CNTNAP2: variants seen among roughly 807,000 people sequenced by gnomAD.
The protein encoded by CNTNAP2 is contactin-associated protein-like 2.
CNTNAP2 carries 98 observed loss-of-function variants against 155.2 expected under a neutral mutation model. The observed-to-expected ratio is 0.63, with a 90% CI of 0.54 to 0.75. The LOEUF (loss-of-function observed/expected upper bound fraction) is 0.75, where lower values mean the gene tolerates loss of function less well. CNTNAP2 is among the 30% of genes least tolerant of loss of function. CNTNAP2 has a pLI of 0.00. For missense variants in CNTNAP2, 1,727 were observed against 1,688.1 expected, an observed-to-expected ratio of 1.02 and a Z score of -0.40; for synonymous variants, 651 against 631.2, an observed-to-expected ratio of 1.03 and a Z score of -0.47.
intron 15 of CNTNAP2, among the ~76,000 whole-genome samples, chr7:148,021,860 G>C (rs1802284800): frequency 6.6e-6 from 1 of 152,190 alleles, no homozygotes; most frequent in African/African-American, 2.4e-5. Flanking sequence ...GGCCGGGTGA[G>C]CGTGGGGAAG....
chr7:147,323,900 T>A (rs566048347), intron 9 of CNTNAP2, among the ~76,000 whole-genome samples: 1 of 148,280 alleles, frequency 6.7e-6, no homozygotes, highest in Non-Finnish European at 1.5e-5. Context: ...GCCTTTAATT[T>A]GAGAGAAAAA....
intron 1 of CNTNAP2, among the ~76,000 whole-genome samples, chr7:146,705,820 A>C (rs344448): frequency 0.24 from 36,916 of 152,068 alleles, 10,636 homozygotes; most frequent in African/African-American, 0.7. Context: ...CTGGCCTCGC[A>C]CTTGACACAT....
intron 1 of CNTNAP2, among the ~76,000 whole-genome samples, chr7:146,140,961 A>G (rs995790670): frequency 1.3e-5 from 2 of 152,208 alleles, no homozygotes; most frequent in African/African-American, 2.4e-5. Flanking sequence ...CCCACCACCC[A>G]GTGACTGTAG....
chr7:148,174,435 C>A (rs184128780), intron 18 of CNTNAP2, among the ~76,000 whole-genome samples: 10 of 151,724 alleles, frequency 6.6e-5, no homozygotes, highest in South Asian at 4.2e-4. Flanking sequence ...CCACCTCAGG[C>A]TGGTGCTTCA....
intron 1 of CNTNAP2, among the ~76,000 whole-genome samples, chr7:146,618,622 T>C (rs951687667): frequency 1.3e-5 from 2 of 152,200 alleles, no homozygotes; most frequent in Non-Finnish European, 2.9e-5. Context: ...AAGCATTGCA[T>C]ATTTGTTTTA....
At chr7:146,935,706 A>C (rs1026718210) in intron 3 of CNTNAP2, among the ~76,000 whole-genome samples, 1 of 152,252 alleles carries the variant, frequency 6.6e-6, no homozygotes, top group African/African-American at 2.4e-5. Flanking sequence ...CTGGCTAAAC[A>C]GAAGTATCTG....
At chr7:147,407,250 C>T (rs1041967237) in intron 10 of CNTNAP2, among the ~76,000 whole-genome samples, 9 of 151,930 alleles carry the variant, frequency 5.9e-5, no homozygotes, top group African/African-American at 2.2e-4. Context: ...GGGCAGATCA[C>T]GAGGTCAGGA....
rs1361786709 is a variant in CNTNAP2, at chr7:147,032,857, G to C, written c.403-11050G>C. 2.0e-5 allele frequency among the ~76,000 whole-genome samples: 3 copies of C among 151,918 alleles called. No individual in the cohort carries two copies. In the East Asian group the frequency reaches 5.8e-4, roughly 29 times the overall value. On this transcript the variant is annotated intron_variant, in intron 3 of 23. Transcript: ENST00000361727. ...TGGGAGGCAATAAAGCCATTAAAAAGACAGTCCACTTGTTGAGTAGGCTGA... is the reference window on the plus strand; with the variant it reads ...TGGGAGGCAATAAAGCCATTAAAAACACAGTCCACTTGTTGAGTAGGCTGA...
At chr7:146,288,746 G>T in intron 1 of CNTNAP2, among the ~76,000 whole-genome samples, 1 of 141,760 alleles carries the variant, frequency 7.1e-6, no homozygotes, top group South Asian at 2.3e-4. Context: ...AATTACTTTT[G>T]TAATCTGCCT....
intron 13 of CNTNAP2, among the ~76,000 whole-genome samples, chr7:147,895,279 G>GT (rs1318818687): frequency 1.3e-5 from 2 of 151,760 alleles, no homozygotes; most frequent in Non-Finnish European, 2.9e-5. Context: ...CAGCTTATTG[G>GT]TTTTTTTAAG....
chr7:147,128,951 G>C, intron 7 of CNTNAP2, 115 bp downstream of exon 7: 1 of 1,347,300 alleles, frequency 7.4e-7, no homozygotes, highest in Non-Finnish European at 1.1e-6. Flanking sequence ...TTGTGTTTGG[G>C]CAAAATGATG....
intron 3 of CNTNAP2, among the ~76,000 whole-genome samples, chr7:146,934,291 G>A (rs111983938): frequency 1.3e-5 from 2 of 152,068 alleles, no homozygotes; most frequent in South Asian, 4.2e-4. Context: ...GTCCTTTGTA[G>A]GGACATGGAT....
chr7:147,430,723 A>G (rs1032533798), intron 10 of CNTNAP2, among the ~76,000 whole-genome samples: 2 of 152,124 alleles, frequency 1.3e-5, no homozygotes, highest in African/African-American at 4.8e-5. Context: ...AGGGAGCATT[A>G]TAGGGTGCAG....
intron 1 of CNTNAP2, among the ~76,000 whole-genome samples, chr7:146,220,342 A>G (rs890025486): frequency 6.6e-6 from 1 of 152,170 alleles, no homozygotes; most frequent in Non-Finnish European, 1.5e-5. Context: ...TCTAATATCA[A>G]TGTATGCAAA....
At chr7:148,163,480 T>C (rs75425318) in intron 17 of CNTNAP2, among the ~76,000 whole-genome samples, 5,826 of 152,292 alleles carry the variant, frequency 0.038, 163 homozygotes, top group Middle Eastern at 0.099. Flanking sequence ...TTTGGACACA[T>C]AGGAGTGCTT....
At chr7:146,703,246 G>C (rs1444342086) in intron 1 of CNTNAP2, among the ~76,000 whole-genome samples, 2 of 152,118 alleles carry the variant, frequency 1.3e-5, no homozygotes, top group Non-Finnish European at 2.9e-5. Flanking sequence ...TGTGGTCTCA[G>C]CATGGTGAAA....
intron 3 of CNTNAP2, among the ~76,000 whole-genome samples, chr7:146,990,505 T>C (rs1798191003): frequency 1.3e-5 from 2 of 152,136 alleles, no homozygotes; most frequent in African/African-American, 4.8e-5. Flanking sequence ...TTAGTTGTTT[T>C]GGTTTTAAGA....
intron 1 of CNTNAP2, among the ~76,000 whole-genome samples, chr7:146,271,430 A>G (rs1800081056): frequency 6.6e-6 from 1 of 151,968 alleles, no homozygotes; most frequent in Admixed American, 6.6e-5. Flanking sequence ...TAATATTTTA[A>G]TTCTTATCTA....
At chr7:148,020,487 A>G (rs928910606) in intron 15 of CNTNAP2, among the ~76,000 whole-genome samples, 2 of 152,244 alleles carry the variant, frequency 1.3e-5, no homozygotes, top group African/African-American at 2.4e-5. Flanking sequence ...CTGAACTTTT[A>G]CTATCATATT....
Sources: allele counts gnomAD v4.1 joint callset (sites outside exome capture counted in the v4.1 genomes callset), GRCh38; gene constraint gnomAD v4.1.1; transcripts MANE v1.5; gene names NCBI Gene and HGNC (gene_info 2026-07-23, HGNC 2026-07-21).